The following CADM4 variants were observed in gnomAD, a reference collection of about 807,000 sequenced individuals.
CADM4 encodes TSLC1-like 2.
Under a neutral mutation model 43.9 loss-of-function variants are expected in CADM4, and 13 were observed. That is an observed-to-expected ratio of 0.30 (90% CI 0.19 to 0.47). The LOEUF (loss-of-function observed/expected upper bound fraction) is 0.47. Ranked by LOEUF, CADM4 falls within the 20% of genes least tolerant of loss-of-function variation. The pLI is 1.00. For synonymous variants in CADM4, 209 were observed against 220.9 expected, an observed-to-expected ratio of 0.95 and a Z score of 0.48; for missense variants, 420 against 527.0, an observed-to-expected ratio of 0.80 and a Z score of 1.99.
At chr19:43,640,628 A>G (rs1422280334), upstream of CADM4, among the ~76,000 whole-genome samples, 4 of 151,928 alleles carry the variant, frequency 2.6e-5, no homozygotes, top group Non-Finnish European at 4.4e-5. Context: ...CAGGAGGGAG[A>G]GGCTCCTGTG....
Position 43,626,959 on chromosome 19 carries a change from C to T in CADM4, c.365-41G>A. 6.5e-7 allele frequency: 1 copy of T among 1,536,018 alleles called. No individual in the cohort carries two copies. Among genetic ancestry groups the T allele is most frequent in the Non-Finnish European group, 8.8e-7 (1 of 1,140,040 alleles). On this transcript the variant is annotated intron_variant, in intron 3 of 8. Coordinates refer to ENST00000222374, the MANE Select transcript of CADM4 (RefSeq NM_145296.2). This position sits in a 1 kb window ranked among gnomAD's most constrained non-coding sequence, Gnocchi z 5.9. ...GGGAAGTAAGGGGTTAAAGAAGGCA[C>T]GAACGTGGGCTCAAAGCGATCGAGC...
At position 43,623,218 on chromosome 19, in the gene CADM4, G is replaced by C; in HGVS notation, c.*112C>G. ...AAGCGTCTGAGGTGTTAGTGGTGGG[G>C]GGAGAAGCCCACCATCCCAGACTCT... On this transcript the variant is annotated 3_prime_UTR_variant, in exon 9 of 9. Transcript: ENST00000222374. The surrounding 1 kb of genome is among the most constrained non-coding windows in gnomAD (Gnocchi z 4.4). 1.3e-6 allele frequency: 1 copy of C among 773,312 alleles called. No individual in the cohort carries two copies. Among genetic ancestry groups the C allele is most frequent in the South Asian group, 1.4e-5 (1 of 70,608 alleles). The allele number at this position is 773,312 out of a possible 1,614,324, so 47.9% of individuals were successfully genotyped here.
rs1973512478 is a variant in CADM4 at position 43,625,670 on chromosome 19, G to A, written c.755+241C>T. On this transcript the variant is annotated intron_variant, in intron 6 of 8. Coordinates refer to ENST00000222374, the MANE Select transcript of CADM4 (RefSeq NM_145296.2). This position sits in a 1 kb window ranked among gnomAD's most constrained non-coding sequence, Gnocchi z 4.5. Reference sequence around the variant, plus strand: ...TGAGGCTGCACAGCTTCAGTATTGGGGAGTCTGAGCCTCCAGATTCCTCCT... The same window carrying A: ...TGAGGCTGCACAGCTTCAGTATTGGAGAGTCTGAGCCTCCAGATTCCTCCT... Among the ~76,000 whole-genome samples, 3 of 152,058 alleles carry A rather than the reference G, an allele frequency of 2.0e-5. No individual in the cohort carries two copies. The highest frequency in any genetic ancestry group is 1.5e-5 in the Non-Finnish European group (1 of 68,022).
Position 43,626,050 on chromosome 19 carries a change from G to T in CADM4, c.665-49C>A. 1 of 1,613,054 alleles carries T rather than the reference G, an allele frequency of 6.2e-7. No individual in the cohort carries two copies. The highest frequency in any genetic ancestry group is 1.3e-5 in the African/African-American group (1 of 75,014). ...AGAGTAGTTTCCAAGCCATCACGCA[G>T]GACAAGGGGGACCCTCGCGGGTGCG... On this transcript the variant is annotated intron_variant, in intron 5 of 8. Coordinates refer to ENST00000222374, the MANE Select transcript of CADM4 (RefSeq NM_145296.2). This position sits in a 1 kb window ranked among gnomAD's most constrained non-coding sequence, Gnocchi z 5.9.
chr19:43,628,286 T>A (rs1600097362), intron 1 of CADM4, among the ~76,000 whole-genome samples: 3 of 125,736 alleles, frequency 2.4e-5, no homozygotes, highest in Non-Finnish European at 3.4e-5. Flanking sequence ...AAAAAAAAAA[T>A]TAGCTGGGTG....
rs949108042 is a variant in CADM4, at chr19:43,625,467, C to T, written c.756-217G>A. On this transcript the variant is annotated intron_variant, in intron 6 of 8. Transcript: ENST00000222374. The surrounding 1 kb of genome is among the most constrained non-coding windows in gnomAD (Gnocchi z 4.5). ...TTCTAGCCCAGGCTGAACATGGTGG[C>T]TTATGCCTGCAATCCCAGCACTTTA... Among the ~76,000 whole-genome samples the T allele has an allele frequency of 7.2e-5, 11 of 152,212 alleles. No individual in the cohort carries two copies. The highest frequency in any genetic ancestry group is 2.7e-4 in the African/African-American group (11 of 41,450).
At chr19:43,632,236 T>C (rs531648160) in intron 1 of CADM4, among the ~76,000 whole-genome samples, 1 of 152,232 alleles carries the variant, frequency 6.6e-6, no homozygotes, top group South Asian at 2.1e-4. Context: ...ATCAGCAACA[T>C]CTGTCCATTC....
rs1377182859 is a variant in CADM4 at position 43,627,355 on chromosome 19, G to A, written c.212-37C>T. ...GAGGGGGAAGGTGTGAATTTCGGGAGTCCTGGCCTCACAAGTCCCACCCTT... is the reference window on the plus strand; with the variant it reads ...GAGGGGGAAGGTGTGAATTTCGGGAATCCTGGCCTCACAAGTCCCACCCTT... On this transcript the variant is annotated intron_variant, in intron 2 of 8. Transcript: ENST00000222374. This position sits in a 1 kb window ranked among gnomAD's most constrained non-coding sequence, Gnocchi z 4.0. 2 of 1,532,042 alleles carry A rather than the reference G, an allele frequency of 1.3e-6. No individual in the cohort carries two copies. The highest frequency in any genetic ancestry group is 4.0e-5 in the Admixed American group (2 of 50,050). 94.9% of individuals were successfully genotyped at this position (1,532,042 alleles called of 1,614,324 possible). A position where few individuals can be genotyped will look rare whatever the true frequency, so the allele number is the denominator to read the frequency against.
rs775584890 is a variant in CADM4, at chr19:43,639,793, TGCCGCC to T, written c.-9_-4del. 39 of 997,160 alleles carry T rather than the reference TGCCGCC, an allele frequency of 3.9e-5. No individual in the cohort carries two copies. Among genetic ancestry groups the T allele is most frequent in the South Asian group, 2.1e-4 (5 of 23,680 alleles). 61.8% of individuals were successfully genotyped at this position (997,160 alleles called of 1,614,324 possible). ...TGGAAGCGCCGGGCCCGGCCCATGGTGCCGCCGCCGCCGCCGCCGCCGCTCGCTCCC... is the reference window on the plus strand; with the variant it reads ...TGGAAGCGCCGGGCCCGGCCCATGGTGCCGCCGCCGCCGCCGCTCGCTCCC... On this transcript the variant is annotated 5_prime_UTR_variant, in exon 1 of 9. Transcript: ENST00000222374.
intron 1 of CADM4, among the ~76,000 whole-genome samples, chr19:43,633,788 C>T (rs527714326): frequency 2.6e-5 from 4 of 151,974 alleles, no homozygotes; most frequent in African/African-American, 9.7e-5. Context: ...TCAAGCGATC[C>T]TCCCACCTCA....
chr19:43,626,870 C>T lies in CADM4; in HGVS notation c.413G>A (p.Gly138Asp). ...GAGGCAGCTGAGCTCCACCTCGCCG[C>T]CCTCTACCGCCTGCTCCCGGACCTC... ...VVEVREQAVE[G>D]GEVELSCLVP... The change falls in exon 4 of 9, where the codon GGC becomes GAC. Residue 138 changes from glycine (G) to aspartate (D), a missense_variant. Coordinates refer to ENST00000222374, the MANE Select transcript of CADM4 (RefSeq NM_145296.2). This position sits in a 1 kb window ranked among gnomAD's most constrained non-coding sequence, Gnocchi z 5.9. 2 of 1,609,670 alleles carry T rather than the reference C, an allele frequency of 1.2e-6. No homozygotes were observed. Among genetic ancestry groups the T allele is most frequent in the Non-Finnish European group, 1.7e-6 (2 of 1,178,872 alleles).
chr19:43,627,277 G>A lies in CADM4; in HGVS notation c.253C>T (p.Arg85Cys), dbSNP rs772644813. The A allele has an allele frequency of 4.3e-6, 7 of 1,610,404 alleles. No individual in the cohort carries two copies. The highest frequency in any genetic ancestry group is 5.1e-6 in the Non-Finnish European group (6 of 1,178,096). ...ERFQLEEFSPRRVRIRLSDAR... is the reference protein window; with the variant it reads ...ERFQLEEFSPCRVRIRLSDAR... ...TCTGAGAGCCGGATCCGCACCCGGC[G>A]TGGGGAGAACTCCTCAAGCTGGAAA... The change falls in exon 3 of 9, where the codon CGC becomes TGC. Residue 85 changes from arginine to cysteine, a missense_variant. By Grantham distance (180) the Arg-to-Cys change is radical. Transcript: ENST00000222374. The surrounding 1 kb of genome is among the most constrained non-coding windows in gnomAD (Gnocchi z 4.0).
chr19:43,626,328 G>A lies in CADM4; in HGVS notation c.500-40C>T. Reference sequence around the variant, plus strand: ...TCAGACACTGTCAGGCCACAATTCCGGCTCCATCCACCCACCCACCCGAGC... The same window carrying A: ...TCAGACACTGTCAGGCCACAATTCCAGCTCCATCCACCCACCCACCCGAGC... On this transcript the variant is annotated intron_variant, in intron 4 of 8. Coordinates refer to ENST00000222374, the MANE Select transcript of CADM4 (RefSeq NM_145296.2). This position sits in a 1 kb window ranked among gnomAD's most constrained non-coding sequence, Gnocchi z 5.9. 1.3e-6 allele frequency: 2 copies of A among 1,596,846 alleles called. No homozygotes were observed. Among genetic ancestry groups the A allele is most frequent in the Non-Finnish European group, 1.7e-6 (2 of 1,173,066 alleles).
rs1418490759 is a variant in CADM4 at position 43,623,948 on chromosome 19, G to A, written c.1057+166C>T. On this transcript the variant is annotated intron_variant, in intron 8 of 8. Transcript: ENST00000222374. The surrounding 1 kb of genome is among the most constrained non-coding windows in gnomAD (Gnocchi z 4.4). ...GCTTCTAAATTCTACCCCTTTTCGAGTATTGTGCCGAAAGCCCCGCCCCCT... is the reference window on the plus strand; with the variant it reads ...GCTTCTAAATTCTACCCCTTTTCGAATATTGTGCCGAAAGCCCCGCCCCCT... Among the ~76,000 whole-genome samples the A allele has an allele frequency of 6.6e-6, 1 of 152,178 alleles. No homozygotes were observed. Among genetic ancestry groups the A allele is most frequent in the African/African-American group, 2.4e-5 (1 of 41,438 alleles).
At chr19:43,635,575 A>G (rs1973690212) in intron 1 of CADM4, among the ~76,000 whole-genome samples, 1 of 149,924 alleles carries the variant, frequency 6.7e-6, no homozygotes, top group Non-Finnish European at 1.5e-5. Context: ...TTCCTTCCGG[A>G]CACAGGAGTT....
At chr19:43,633,685 T>TTTCTCTTTCTTTCC (rs1435523432) in intron 1 of CADM4, among the ~76,000 whole-genome samples, 1 of 150,606 alleles carries the variant, frequency 6.6e-6, no homozygotes, top group African/African-American at 2.4e-5. Flanking sequence ...TCTTTCTTTC[T>TTTCTCTTTCTTTCC]TTTTTCTTTT....
upstream of CADM4, among the ~76,000 whole-genome samples, chr19:43,641,924 C>T (rs1186015319): frequency 3.3e-5 from 5 of 152,168 alleles, no homozygotes; most frequent in African/African-American, 1.2e-4. Context: ...CCTGCTCCAG[C>T]TGAAGGGGAA....
intron 1 of CADM4, among the ~76,000 whole-genome samples, chr19:43,631,799 T>C (rs889146096): frequency 6.6e-6 from 1 of 152,220 alleles, no homozygotes; most frequent in African/African-American, 2.4e-5. Flanking sequence ...AACCAAGAGC[T>C]GGAAGGTGCC....
Position 43,626,113 on chromosome 19 carries a change from C to G in CADM4, c.664+11G>C. 1 of 1,613,356 alleles carries G rather than the reference C, an allele frequency of 6.2e-7. No individual in the cohort carries two copies. Among genetic ancestry groups the G allele is most frequent in the Non-Finnish European group, 8.5e-7 (1 of 1,179,644 alleles). On this transcript the variant is annotated intron_variant, in intron 5 of 8. Coordinates refer to ENST00000222374, the MANE Select transcript of CADM4 (RefSeq NM_145296.2). The surrounding 1 kb of genome is among the most constrained non-coding windows in gnomAD (Gnocchi z 5.9). ...TGGGATCCCTTGGGTCCTGGCCCGC[C>G]GGTCACTTACACTGCACATCCAGCA...
Sources: gnomAD v4.1 joint callset for allele counts (sites outside exome capture counted in the v4.1 genomes callset) on GRCh38, gnomAD v4.1.1 for gene constraint, Gnocchi (gnomAD v3.1) non-coding constraint, MANE v1.5 for transcripts, NCBI Gene and HGNC (gene_info 2026-07-23, HGNC 2026-07-21) for gene names.